Variants in ARMC8 observed in about 807,000 individuals in gnomAD.
ARMC8 encodes the protein armadillo repeat-containing protein 8.
In ARMC8, 20 loss-of-function variants were observed where a neutral mutation model predicts 99.3. The ratio of observed to expected loss-of-function variants is 0.20; its 90% CI spans 0.14 to 0.29. ARMC8 has a LOEUF of 0.29. Among genes scored for constraint, ARMC8 ranks in the 10% least tolerant of loss-of-function variants. ARMC8 has a pLI of 1.00. For missense variants in ARMC8, 569 were observed against 809.5 expected (o/e 0.70, Z 3.60); for synonymous variants, 263 against 278.3 (o/e 0.95, Z 0.55).
At chr3:138,223,921 C>G (rs1177499802) in intron 5 of ARMC8, among the ~76,000 whole-genome samples, 188 bp downstream of exon 5, 2 of 149,770 alleles carry the variant, frequency 1.3e-5, no homozygotes, top group East Asian at 2.0e-4. Flanking sequence ...GCCAGGAGTT[C>G]AAGATCAACC....
intron 7 of ARMC8, among the ~76,000 whole-genome samples, chr3:138,235,722 G>A (rs2108146155): frequency 6.6e-6 from 1 of 151,758 alleles, no homozygotes; most frequent in East Asian, 1.9e-4. Flanking sequence ...GGTATTGCAG[G>A]AGTTACTTGC....
chr3:138,187,749 AGGC>A, intron 1 of ARMC8, 150 bp downstream of exon 1: 1 of 844,348 alleles, frequency 1.2e-6, no homozygotes, highest in South Asian at 1.7e-5. Flanking sequence ...GAGGGTGGAG[AGGC>A]GGGATAGACG....
At chr3:138,235,548 TAAAG>T (rs570105781) in intron 7 of ARMC8, among the ~76,000 whole-genome samples, 129 of 152,324 alleles carry the variant, frequency 8.5e-4, no homozygotes, top group African/African-American at 3.0e-3. Context: ...AGTTAAAAAG[TAAAG>T]AGTTTCCAGA....
chr3:138,199,893 G>T (rs1341208908), intron 1 of ARMC8, among the ~76,000 whole-genome samples: 1 of 152,176 alleles, frequency 6.6e-6, no homozygotes, highest in Non-Finnish European at 1.5e-5. Context: ...ACAAAAGGAA[G>T]TATTTTTTGA....
chr3:138,235,798 CTTTTTTTTTTT>C (rs71146120), intron 7 of ARMC8, among the ~76,000 whole-genome samples: 35 of 80,532 alleles, frequency 4.3e-4, no homozygotes, highest in Middle Eastern at 0.026. Context: ...TCCTTTTAGT[CTTTTTTTTTTT>C]TTTTTTTTTT....
intron 1 of ARMC8, among the ~76,000 whole-genome samples, chr3:138,191,052 CAGA>C (rs1460234158): frequency 3.9e-4 from 59 of 152,286 alleles, no homozygotes; most frequent in African/African-American, 1.2e-3. Flanking sequence ...GAAAAAGTGA[CAGA>C]AGAAGAGCAT....
chr3:138,221,077 A>G (rs928380275), intron 2 of ARMC8, among the ~76,000 whole-genome samples: 8 of 152,172 alleles, frequency 5.3e-5, no homozygotes, highest in Admixed American at 4.6e-4. Flanking sequence ...TGAACCAACC[A>G]CAAATTTGTG....
chr3:138,197,639 T>C lies in ARMC8; in HGVS notation c.45+10040T>C, dbSNP rs1208459490. Reference sequence around the variant, plus strand: ...TGAACCTCAACCAATCCAGAGGATATCTCAGTCTTTGTGAAACTCCTGATC... The same window carrying C: ...TGAACCTCAACCAATCCAGAGGATACCTCAGTCTTTGTGAAACTCCTGATC... On this transcript the variant is annotated intron_variant, in intron 1 of 21. Transcript: ENST00000469044. Among the ~76,000 whole-genome samples the C allele has an allele frequency of 2.0e-5, 3 of 152,226 alleles. No individual in the cohort carries two copies. The East Asian group carries it at 5.8e-4, about 29-fold the overall frequency.
At chr3:138,209,251 A>G (rs776795708) in intron 1 of ARMC8, among the ~76,000 whole-genome samples, 1 of 152,214 alleles carries the variant, frequency 6.6e-6, no homozygotes, top group Non-Finnish European at 1.5e-5. Context: ...TGTATATGCT[A>G]ACATATTTGC....
chr3:138,290,499 G>A, intron 20 of ARMC8, 47 bp from the exon 21 acceptor site: 2 of 1,354,452 alleles, frequency 1.5e-6, no homozygotes, highest in East Asian at 4.9e-5. Flanking sequence ...ATCAAAGAGA[G>A]CATTTGCCTG....
rs1331825164 is a variant in ARMC8 at position 138,290,573 on chromosome 3, G to A, written c.1922G>A (p.Arg641Gln). The stretch of plus-strand genomic sequence containing the variant: ...TCACAAGAACGCCAGGATAAATTAC[G>A]AGACATGGGCATCGTAGATATTCTA... ...EGSQERQDKLRDMGIVDILHK... is the reference protein window; with the variant it reads ...EGSQERQDKLQDMGIVDILHK... Residue 641 changes from arginine (R) to glutamine (Q), a missense_variant, in exon 21 of 22, where the codon CGA becomes CAA. Arg to Gln is a conservative substitution (Grantham distance 43). This residue lies in a region of ARMC8 where 227 missense variants were observed against 417.9 expected (regional missense o/e 0.54). Coordinates refer to ENST00000469044, the MANE Select transcript of ARMC8 (RefSeq NM_001363941.2). 4.4e-6 allele frequency: 7 copies of A among 1,606,786 alleles called. No homozygotes were observed. Among genetic ancestry groups the A allele is most frequent in the Middle Eastern group, 1.6e-4 (1 of 6,080 alleles).
At chr3:138,240,430 A>C (rs2046555398) in intron 10 of ARMC8, among the ~76,000 whole-genome samples, 1 of 152,304 alleles carries the variant, frequency 6.6e-6, no homozygotes, top group Non-Finnish European at 1.5e-5. Flanking sequence ...GGACTTCCAT[A>C]GCATTTATCT....
At chr3:138,263,447 A>G (rs2108263479) in intron 12 of ARMC8, 1 of 339,564 alleles carries the variant, frequency 2.9e-6, no homozygotes, top group South Asian at 4.0e-5. Context: ...GATTATTTAC[A>G]TAACACCTCT....
At chr3:138,198,389 G>A (rs369458953) in intron 1 of ARMC8, among the ~76,000 whole-genome samples, 1 of 151,968 alleles carries the variant, frequency 6.6e-6, no homozygotes. Flanking sequence ...ACTGAAAACC[G>A]GAGAGGCTGG....
chr3:138,246,213 G>T, intron 12 of ARMC8: 1 of 985,704 alleles, frequency 1.0e-6, no homozygotes, highest in Non-Finnish European at 1.2e-6. Flanking sequence ...GATTTGATGT[G>T]TGAGTAGCTT....
At chr3:138,231,199 GACA>G (rs1160737529) in intron 6 of ARMC8, among the ~76,000 whole-genome samples, 2 of 152,144 alleles carry the variant, frequency 1.3e-5, no homozygotes, top group Non-Finnish European at 2.9e-5. Context: ...CCGATATACT[GACA>G]ACATGTATCT....
At chr3:138,265,219 C>T (rs1209698502) in intron 14 of ARMC8, among the ~76,000 whole-genome samples, 1 of 152,008 alleles carries the variant, frequency 6.6e-6, no homozygotes, top group Non-Finnish European at 1.5e-5. Context: ...TTTAACATAA[C>T]ATTTTTGGTG....
At chr3:138,245,423 G>A in intron 12 of ARMC8, 1 of 1,378,644 alleles carries the variant, frequency 7.3e-7, no homozygotes, top group African/African-American at 1.5e-5. Flanking sequence ...CTTTTTTTTT[G>A]TGTCATTAAT....
At chr3:138,270,166 A>T in intron 16 of ARMC8, 34 bp downstream of exon 16, 1 of 1,419,198 alleles carries the variant, frequency 7.0e-7, no homozygotes, top group African/African-American at 1.4e-5. Context: ...CATAACTTAC[A>T]AAAGGAATAC....
Sources: allele counts gnomAD v4.1 joint callset (sites outside exome capture counted in the v4.1 genomes callset), GRCh38; gene constraint gnomAD v4.1.1; regional missense constraint gnomAD v4.1.1; transcripts MANE v1.5; gene names NCBI Gene and HGNC (gene_info 2026-07-23, HGNC 2026-07-21).